DOCK3: variants seen among roughly 807,000 people sequenced by gnomAD.
The protein encoded by DOCK3 is dedicator of cytokinesis 3.
A neutral mutation model predicts 265.6 loss-of-function variants in DOCK3; 60 were observed. The ratio of observed to expected loss-of-function variants is 0.23; its 90% confidence interval spans 0.18 to 0.28. DOCK3 has a LOEUF of 0.28. Among genes scored for constraint, DOCK3 ranks in the 10% least tolerant of loss-of-function variants. DOCK3 has a pLI of 1.00. For missense variants in DOCK3, 1,981 were observed against 2,594.3 expected (o/e 0.76, Z 5.14); for synonymous variants, 881 against 938.0 (o/e 0.94, Z 1.11).
intron 4 of DOCK3, among the ~76,000 whole-genome samples, chr3:50,915,416 C>T (rs1268543740): frequency 6.6e-6 from 1 of 152,024 alleles, no homozygotes; most frequent in Non-Finnish European, 1.5e-5. Flanking sequence ...GCAATGACTC[C>T]CCTCCCCAGC....
intron 5 of DOCK3, among the ~76,000 whole-genome samples, chr3:50,974,479 G>A (rs1261437425): frequency 1.3e-5 from 2 of 151,854 alleles, no homozygotes; most frequent in African/African-American, 2.4e-5. Context: ...TGAGGGCTCT[G>A]TTCTGTTCCA....
intron 3 of DOCK3, among the ~76,000 whole-genome samples, chr3:50,849,821 T>C (rs2046276754): frequency 2.0e-5 from 3 of 152,124 alleles, no homozygotes; most frequent in Admixed American, 2.0e-4. Context: ...AGGTGACTCA[T>C]GCCTGTAATC....
At chr3:50,931,792 G>A (rs758832493) in intron 4 of DOCK3, among the ~76,000 whole-genome samples, 7 of 152,216 alleles carry the variant, frequency 4.6e-5, no homozygotes, top group Admixed American at 6.5e-5. Context: ...TGGTGGAGCC[G>A]AGTGCCTAAT....
At chr3:51,156,024 T>A (rs2085833971) in intron 10 of DOCK3, among the ~76,000 whole-genome samples, 1 of 152,232 alleles carries the variant, frequency 6.6e-6, no homozygotes, top group Non-Finnish European at 1.5e-5. Flanking sequence ...TTATTTATAC[T>A]CTTCTACATT....
At chr3:51,268,116 T>A (rs1016777831) in intron 23 of DOCK3, among the ~76,000 whole-genome samples, 1 of 152,194 alleles carries the variant, frequency 6.6e-6, no homozygotes, top group Non-Finnish European at 1.5e-5. Flanking sequence ...ATTCTGCACA[T>A]GTATCCCAGA....
chr3:51,237,777 A>C (rs1276300108), intron 21 of DOCK3, among the ~76,000 whole-genome samples, 187 bp downstream of exon 21: 2 of 152,196 alleles, frequency 1.3e-5, no homozygotes, highest in African/African-American at 2.4e-5. Context: ...TGTAGGGTTC[A>C]GTGACTTTAA....
In DOCK3 at chr3:51,358,060, C is replaced by T. The variant is rs777668710; in HGVS notation, c.4867C>T (p.Arg1623Trp). 3 of 1,613,692 alleles carry T rather than the reference C, an allele frequency of 1.9e-6. No individual in the cohort carries two copies. Among genetic ancestry groups the T allele is most frequent in the East Asian group, 2.2e-5 (1 of 44,894 alleles). ...KKLIDQFQMM[R>W]ASLYHEFPGL... Reference sequence around the variant, plus strand: ...GCTAATTGATCAGTTCCAGATGATGCGGGCCAGTCTCTACCATGTAAGTTG... The same window carrying T: ...GCTAATTGATCAGTTCCAGATGATGTGGGCCAGTCTCTACCATGTAAGTTG... The change falls in exon 46 of 53, where the codon CGG (arginine) becomes TGG (tryptophan). Residue 1623 changes from arginine to tryptophan, a missense_variant. Physicochemically the swap from Arg to Trp is moderately radical, Grantham distance 101 (BLOSUM62 -3). Coordinates refer to ENST00000266037, the MANE Select transcript of DOCK3 (RefSeq NM_004947.5).
At chr3:50,758,177 CAAA>C (rs771690340) in intron 1 of DOCK3, among the ~76,000 whole-genome samples, 5 of 23,824 alleles carry the variant, frequency 2.1e-4, no homozygotes, top group Admixed American at 6.5e-4. Context: ...GACTCTGTCT[CAAA>C]AAAAAAAAAA....
chr3:50,798,681 A>G (rs1370306802), intron 2 of DOCK3, among the ~76,000 whole-genome samples: 1 of 151,856 alleles, frequency 6.6e-6, no homozygotes, highest in Non-Finnish European at 1.5e-5. Context: ...CCCATTCTGT[A>G]GGTTGTCTTT....
In DOCK3 at chr3:51,315,131, A is replaced by G. The variant is rs776432228; in HGVS notation, c.3402+3A>G. 2 of 1,603,276 alleles carry G rather than the reference A, an allele frequency of 1.2e-6. No individual in the cohort carries two copies. Among genetic ancestry groups the G allele is most frequent in the African/African-American group, 1.3e-5 (1 of 74,714 alleles). On this transcript the variant is annotated splice_donor_region_variant and intron_variant, in intron 32 of 52. Coordinates refer to ENST00000266037, the MANE Select transcript of DOCK3 (RefSeq NM_004947.5). ...GAAAAAATGGCAACTTCAAACAGGTAAGACACCTGGCAGTGTTCGGGGTAT... is the reference window on the plus strand; with the variant it reads ...GAAAAAATGGCAACTTCAAACAGGTGAGACACCTGGCAGTGTTCGGGGTAT...
At chr3:51,062,892 A>G (rs1301428705) in intron 5 of DOCK3, among the ~76,000 whole-genome samples, 2 of 152,180 alleles carry the variant, frequency 1.3e-5, no homozygotes, top group Non-Finnish European at 2.9e-5. Flanking sequence ...AATTTTCCAG[A>G]TGGTATAGTT....
chr3:50,954,615 G>A (rs1399317422), intron 5 of DOCK3, among the ~76,000 whole-genome samples: 1 of 152,102 alleles, frequency 6.6e-6, no homozygotes, highest in Non-Finnish European at 1.5e-5. Flanking sequence ...CTTGTTAGCT[G>A]CATGTATATT....
chr3:50,752,605 T>C (rs2039903324), intron 1 of DOCK3, among the ~76,000 whole-genome samples: 1 of 151,874 alleles, frequency 6.6e-6, no homozygotes, highest in Non-Finnish European at 1.5e-5. Flanking sequence ...AGTGAAACTC[T>C]GTCTCTAATA....
chr3:50,867,754 C>T (rs1372238217), intron 3 of DOCK3, among the ~76,000 whole-genome samples: 1 of 152,064 alleles, frequency 6.6e-6, no homozygotes, highest in Non-Finnish European at 1.5e-5. Context: ...TTGAACCATC[C>T]TTCCATCCCA....
chr3:50,932,722 C>A (rs1316635836), intron 4 of DOCK3, among the ~76,000 whole-genome samples: 1 of 152,084 alleles, frequency 6.6e-6, no homozygotes, highest in Non-Finnish European at 1.5e-5. Context: ...CAGGTGGCAC[C>A]ATAACTGGTT....
At chr3:51,201,514 A>G (rs963214899) in intron 12 of DOCK3, among the ~76,000 whole-genome samples, 2 of 152,126 alleles carry the variant, frequency 1.3e-5, no homozygotes, top group African/African-American at 4.8e-5. Flanking sequence ...GCACCCAGAC[A>G]CATAAAGCAA....
chr3:51,239,500 G>A (rs919621264), intron 21 of DOCK3, among the ~76,000 whole-genome samples: 1 of 151,566 alleles, frequency 6.6e-6, no homozygotes. Flanking sequence ...CCAGCCACTG[G>A]CCTCATTTCT....
chr3:51,357,099 C>A lies in DOCK3; in HGVS notation c.4641C>A (p.Val1547=), dbSNP rs1250607488. The A allele has an allele frequency of 1.9e-6, 3 of 1,612,760 alleles. No homozygotes were observed. Among genetic ancestry groups the A allele is most frequent in the Non-Finnish European group, 2.5e-6 (3 of 1,179,866 alleles). Residue 1547 remains valine (V), a synonymous_variant, in exon 44 of 53, where the codon GTC becomes GTA. Transcript: ENST00000266037. ...INLLSMCLNG[V]IDAAVNGGIA... The stretch of plus-strand genomic sequence containing the variant: ...TGCTAAGCATGTGCCTGAATGGTGT[C>A]ATTGATGCAGCTGTCAATGGAGGCA...
At chr3:51,189,677 T>A (rs1223987033) in intron 12 of DOCK3, among the ~76,000 whole-genome samples, 1 of 152,216 alleles carries the variant, frequency 6.6e-6, no homozygotes, top group Non-Finnish European at 1.5e-5. Flanking sequence ...GGCACTTAGG[T>A]TGGTTCCATA....
Sources: gnomAD v4.1 joint callset for allele counts (sites outside exome capture counted in the v4.1 genomes callset) on GRCh38, gnomAD v4.1.1 for gene constraint, MANE v1.5 for transcripts, NCBI Gene and HGNC (gene_info 2026-07-23, HGNC 2026-07-21) for gene names.